Variants in OLFML2A observed in about 807,000 individuals in gnomAD.
OLFML2A encodes the protein olfactomedin like 2A.
Under a neutral mutation model 60.9 loss-of-function variants are expected in OLFML2A, and 47 were observed. That is an observed-to-expected ratio of 0.77 (90% CI 0.61 to 0.98). The LOEUF is 0.98. OLFML2A is among the 50% of genes least tolerant of loss of function. OLFML2A has a pLI of 0.00. For synonymous variants in OLFML2A, 372 were observed against 375.0 expected (o/e 0.99, Z 0.09); for missense variants, 922 against 879.8 (o/e 1.05, Z -0.61).
intron 1 of OLFML2A, among the ~76,000 whole-genome samples, chr9:124,783,980 A>C (rs1841409581): frequency 6.6e-6 from 1 of 152,190 alleles, no homozygotes; most frequent in South Asian, 2.1e-4. Context: ...AAGTGATACA[A>C]GGAAGTAAGC....
intron 1 of OLFML2A, among the ~76,000 whole-genome samples, chr9:124,782,180 G>T (rs1461394581): frequency 6.6e-6 from 1 of 152,256 alleles, no homozygotes; most frequent in Non-Finnish European, 1.5e-5. Context: ...CAATTGCTCA[G>T]GGAGAAGCCC....
Position 124,809,931 on chromosome 9 carries a change from A to G in OLFML2A, c.1478A>G (p.Gln493Arg). The G allele has an allele frequency of 6.2e-7, 1 of 1,614,182 alleles. No homozygotes were observed. Among genetic ancestry groups the G allele is most frequent in the Non-Finnish European group, 8.5e-7 (1 of 1,180,030 alleles). ...TKNIIKYDLR[Q>R]RFVASWALLP... ...AACATCATCAAGTACGACCTACGGC[A>G]GCGCTTCGTGGCCTCCTGGGCGCTG... is the stretch of plus-strand genomic sequence containing the variant. The change falls in exon 8 of 8, where the codon CAG (glutamine) becomes CGG (arginine). Residue 493 changes from glutamine to arginine, a missense_variant. Gln to Arg is a conservative substitution (Grantham distance 43). Coordinates refer to ENST00000373580, the MANE Select transcript of OLFML2A (RefSeq NM_182487.4).
intron 2 of OLFML2A, 45 bp from the exon 3 acceptor site, chr9:124,794,979 C>A: frequency 8.4e-7 from 1 of 1,185,964 alleles, no homozygotes; most frequent in Non-Finnish European, 1.2e-6. Context: ...GTCTGGCCGG[C>A]CATGTGCTGC....
At chr9:124,782,402 AC>A (rs1447218311) in intron 1 of OLFML2A, among the ~76,000 whole-genome samples, 10 of 152,166 alleles carry the variant, frequency 6.6e-5, no homozygotes, top group African/African-American at 2.2e-4. Context: ...GATAGCAGGT[AC>A]CCCTTAGAGA....
intron 4 of OLFML2A, among the ~76,000 whole-genome samples, chr9:124,800,292 C>T (rs1020192127): frequency 1.3e-5 from 2 of 152,224 alleles, no homozygotes; most frequent in South Asian, 4.1e-4. Context: ...CAAGCCACAC[C>T]ATTGTTCACA....
At chr9:124,796,681 G>C (rs536637857) in intron 3 of OLFML2A, among the ~76,000 whole-genome samples, 1 of 152,280 alleles carries the variant, frequency 6.6e-6, no homozygotes, top group East Asian at 1.9e-4. Flanking sequence ...AAAACCTCCC[G>C]GGGGATAAGC....
intron 1 of OLFML2A, among the ~76,000 whole-genome samples, chr9:124,786,565 C>A (rs967987844): frequency 2.0e-5 from 3 of 151,476 alleles, no homozygotes; most frequent in Non-Finnish European, 2.9e-5. Flanking sequence ...TTAACAAATA[C>A]AAAAAATTAG....
Position 124,814,335 on chromosome 9 carries a change from C to T in OLFML2A, c.*3923C>T, listed in dbSNP as rs1842077073. The T allele has an allele frequency of 6.6e-6, 1 of 152,430 alleles. No homozygotes were observed. The highest frequency in any genetic ancestry group is 1.5e-5 in the Non-Finnish European group (1 of 68,198). The allele number at this position is 152,430 out of a possible 1,614,324, so 9.4% of individuals were successfully genotyped here. A position where few individuals can be genotyped will look rare whatever the true frequency, so the allele number is the denominator to read the frequency against. On this transcript the variant is annotated 3_prime_UTR_variant, in exon 8 of 8. Transcript: ENST00000373580. ...CCTGGGTTGGAATCCAGCCCCACCT[C>T]TTTTATGCCACAGGTTTGGTCAAGT...
chr9:124,801,121 C>T (rs898010018), intron 4 of OLFML2A: 56 of 1,456,714 alleles, frequency 3.8e-5, no homozygotes, highest in Non-Finnish European at 5.3e-5. Flanking sequence ...GTCCTTCTAG[C>T]CTGCCCCCCA....
In OLFML2A at chr9:124,801,459, G is replaced by T; in HGVS notation, c.715G>T (p.Val239Leu). The T allele has an allele frequency of 3.1e-6, 5 of 1,614,082 alleles. No individual in the cohort carries two copies. The Middle Eastern group carries it at 6.6e-4, about 213-fold the overall frequency. Residue 239 changes from valine to leucine, a missense_variant, in exon 5 of 8, where the codon GTG (valine) becomes TTG (leucine). Val to Leu is a conservative substitution (Grantham distance 32, BLOSUM62 1). Transcript: ENST00000373580. ...CAAGGACATCAGCAAGTATGGCAGT[G>T]TGCAGAAAAGCTTTGCAGACAGAGG... ...KGKDISKYGSVQKSFADRGLP... is the reference protein window; with the variant it reads ...KGKDISKYGSLQKSFADRGLP...
chr9:124,807,446 G>T (rs1473729437), intron 6 of OLFML2A, among the ~76,000 whole-genome samples: 1 of 151,920 alleles, frequency 6.6e-6, no homozygotes, highest in Non-Finnish European at 1.5e-5. Flanking sequence ...ACCATGCCCA[G>T]CTAATTTTTG....
chr9:124,791,778 C>A (rs1841573096), intron 2 of OLFML2A, among the ~76,000 whole-genome samples: 1 of 151,110 alleles, frequency 6.6e-6, no homozygotes, highest in Non-Finnish European at 1.5e-5. Flanking sequence ...TGAAACAAAG[C>A]CAGACATACA....
At chr9:124,805,495 A>C (rs1257612686) in intron 6 of OLFML2A, among the ~76,000 whole-genome samples, 1 of 152,188 alleles carries the variant, frequency 6.6e-6, no homozygotes. Context: ...AACGGAGGCT[A>C]AAAACAGGAT....
chr9:124,788,942 T>C (rs1442322077), intron 2 of OLFML2A, among the ~76,000 whole-genome samples: 1 of 152,220 alleles, frequency 6.6e-6, no homozygotes, highest in African/African-American at 2.4e-5. Flanking sequence ...TTTGCTTTTT[T>C]TCTTTTTTGA....
intron 2 of OLFML2A, 107 bp downstream of exon 2, chr9:124,787,345 C>A: frequency 1.8e-6 from 2 of 1,086,144 alleles, no homozygotes; most frequent in Non-Finnish European, 1.3e-6. Flanking sequence ...GGTGTTACTG[C>A]CCCATTTCAC....
chr9:124,801,635 C>T lies in OLFML2A; in HGVS notation c.891C>T (p.Gly297=), dbSNP rs752105198. 6.2e-7 allele frequency: 1 copy of T among 1,613,624 alleles called. No homozygotes were observed. Among genetic ancestry groups the T allele is most frequent in the South Asian group, 1.1e-5 (1 of 91,068 alleles). The change falls in exon 5 of 8, where the codon GGC becomes GGT. Residue 297 remains glycine, a synonymous_variant. Coordinates refer to ENST00000373580, the MANE Select transcript of OLFML2A (RefSeq NM_182487.4). ...VIRGFTYYKA[G]KQEVTEAVAD... is the part of the protein sequence containing the mutation. Reference sequence around the variant, plus strand: ...GGGGCTTCACCTACTACAAGGCAGGCAAGCAGGAGGTGACCGAGGCGGTGG... The same window carrying T: ...GGGGCTTCACCTACTACAAGGCAGGTAAGCAGGAGGTGACCGAGGCGGTGG...
intron 2 of OLFML2A, among the ~76,000 whole-genome samples, chr9:124,792,678 G>C (rs994706882): frequency 6.6e-6 from 1 of 152,136 alleles, no homozygotes. Flanking sequence ...AGCCAGTGTT[G>C]GTGGCCATGA....
At chr9:124,787,357 G>A in intron 2 of OLFML2A, 119 bp downstream of exon 2, 1 of 1,003,268 alleles carries the variant, frequency 1.0e-6, no homozygotes, top group Non-Finnish European at 1.5e-6. Flanking sequence ...CCATTTCACA[G>A]ATGAGGAAAC....
chr9:124,805,808 G>GTTTTTTTTTTTTTTTTTTTTTTTT (rs59555267), intron 6 of OLFML2A, among the ~76,000 whole-genome samples: 5 of 71,284 alleles, frequency 7.0e-5, no homozygotes, highest in Non-Finnish European at 1.2e-4. Flanking sequence ...GGTTTTTTTG[G>GTTTTTTTTTTTTTTTTTTTTTTTT]TTTTTTTTTT....
Sources: allele counts gnomAD v4.1 joint callset (sites outside exome capture counted in the v4.1 genomes callset), GRCh38; gene constraint gnomAD v4.1.1; transcripts MANE v1.5; gene names NCBI Gene and HGNC (gene_info 2026-07-23, HGNC 2026-07-21).